The following SNX24 variants were observed in gnomAD, a reference collection of about 807,000 sequenced individuals.
The protein encoded by SNX24 is sorting nexin-24.
In SNX24, 22 loss-of-function variants were observed where a neutral mutation model predicts 28.7. The observed-to-expected ratio is 0.77, with a 90% CI of 0.55 to 1.10. SNX24 has a LOEUF of 1.10. SNX24 is among the 50% of genes least tolerant of loss of function. The pLI, the probability that SNX24 is intolerant of heterozygous loss-of-function variation, is 0.00. For missense variants in SNX24, 221 were observed against 201.1 expected (o/e 1.10, Z -0.60); for synonymous variants, 69 against 71.5 (o/e 0.96, Z 0.18).
chr5:122,917,799 G>A (rs565232891), intron 1 of SNX24, among the ~76,000 whole-genome samples: 20 of 152,248 alleles, frequency 1.3e-4, no homozygotes, highest in African/African-American at 4.3e-4. Context: ...AAATAATGCC[G>A]GCCGGGTGCG....
chr5:122,933,600 A>C (rs1268282092), intron 1 of SNX24, among the ~76,000 whole-genome samples: 1 of 151,856 alleles, frequency 6.6e-6, no homozygotes, highest in Middle Eastern at 3.2e-3. Context: ...CTTGAGAGCC[A>C]TTTTTTCCAC....
intron 4 of SNX24, among the ~76,000 whole-genome samples, chr5:123,000,991 C>A (rs1189891829): frequency 6.6e-6 from 1 of 152,192 alleles, no homozygotes; most frequent in Non-Finnish European, 1.5e-5. Context: ...CCACTTTCCA[C>A]TTATTGCATA....
At chr5:122,981,546 G>A (rs416763) in intron 3 of SNX24, among the ~76,000 whole-genome samples, 33,951 of 152,146 alleles carry the variant, frequency 0.22, 4,833 homozygotes, top group Non-Finnish European at 0.33. Context: ...TAGTTTTAGA[G>A]TATTTATAAC....
chr5:122,984,550 C>G (rs1466954261), intron 3 of SNX24, among the ~76,000 whole-genome samples: 1 of 152,164 alleles, frequency 6.6e-6, no homozygotes, highest in Non-Finnish European at 1.5e-5. Flanking sequence ...CAGGAGTTTA[C>G]TCTGACCCAA....
At chr5:122,951,458 A>T (rs745737412) in intron 3 of SNX24, among the ~76,000 whole-genome samples, 14 of 152,112 alleles carry the variant, frequency 9.2e-5, no homozygotes, top group Non-Finnish European at 2.1e-4. Flanking sequence ...TAGACCATTA[A>T]GGAATTTAGC....
chr5:122,900,419 A>G (rs1312765533), intron 1 of SNX24, among the ~76,000 whole-genome samples: 2 of 152,178 alleles, frequency 1.3e-5, no homozygotes, highest in African/African-American at 4.8e-5. Context: ...TGCATTGGAA[A>G]TTAAATTCAA....
chr5:123,014,235 C>T (rs934554793), intron 5 of SNX24, among the ~76,000 whole-genome samples: 1 of 151,376 alleles, frequency 6.6e-6, no homozygotes, highest in African/African-American at 2.4e-5. Context: ...GGCATGATCT[C>T]GGCTTACTGC....
At chr5:123,007,631 T>C in intron 6 of SNX24, 51 bp from the exon 7 acceptor site, 1 of 1,488,062 alleles carries the variant, frequency 6.7e-7, no homozygotes, top group Non-Finnish European at 9.2e-7. Flanking sequence ...TTGTTTCACA[T>C]AAGAAAAGCA....
chr5:122,893,566 C>A (rs772351271), intron 1 of SNX24, among the ~76,000 whole-genome samples: 2 of 152,092 alleles, frequency 1.3e-5, no homozygotes, highest in East Asian at 1.9e-4. Context: ...TGAGCATATA[C>A]ACATATTTTA....
At chr5:122,940,098 A>G (rs976209244) in intron 2 of SNX24, among the ~76,000 whole-genome samples, 3 of 151,970 alleles carry the variant, frequency 2.0e-5, no homozygotes, top group African/African-American at 4.8e-5. Flanking sequence ...GGTTCAAGCA[A>G]TTCTCCTGCC....
At chr5:122,997,516 G>T (rs139761909) in intron 3 of SNX24, among the ~76,000 whole-genome samples, 1 of 152,110 alleles carries the variant, frequency 6.6e-6, no homozygotes, top group African/African-American at 2.4e-5. Context: ...CCTGTCTTTT[G>T]TCATTAATGA....
intron 1 of SNX24, among the ~76,000 whole-genome samples, chr5:122,866,053 A>G (rs1367397416): frequency 6.6e-6 from 1 of 152,254 alleles, no homozygotes; most frequent in Non-Finnish European, 1.5e-5. Context: ...TTTGCTGTAT[A>G]TACATACATA....
intron 3 of SNX24, among the ~76,000 whole-genome samples, chr5:122,946,619 T>C (rs930949952): frequency 2.5e-4 from 38 of 152,248 alleles, no homozygotes; most frequent in African/African-American, 8.7e-4. Flanking sequence ...AAATTGCCGA[T>C]GATGAAGTGC....
chr5:122,891,216 G>T, intron 1 of SNX24: 1 of 1,278,110 alleles, frequency 7.8e-7, no homozygotes, highest in South Asian at 2.3e-5. Context: ...AAATGGTTTA[G>T]GAATGTTGAC....
At chr5:123,002,088 A>G (rs1762268093) in intron 6 of SNX24, 84 bp downstream of exon 6, 1 of 1,045,008 alleles carries the variant, frequency 9.6e-7, no homozygotes, top group Admixed American at 1.7e-5. Context: ...CAGGTCTAAC[A>G]GAGTGACATT....
intron 1 of SNX24, among the ~76,000 whole-genome samples, chr5:122,853,317 C>T (rs1319051274): frequency 3.3e-5 from 5 of 151,786 alleles, no homozygotes; most frequent in East Asian, 1.9e-4. Context: ...TTAGTAGAGA[C>T]GGGGTTTCAC....
rs539915350 is a variant in SNX24, at chr5:122,882,070, C to T, written c.60+36377C>T. Among the ~76,000 whole-genome samples the T allele has an allele frequency of 2.6e-5, 4 of 151,864 alleles. No homozygotes were observed. In the East Asian group the frequency reaches 7.7e-4, roughly 29 times the overall value. ...GGCTCAAGTGATCCTCTCACCTTGA[C>T]CTCTGGAGTAGCTAGGAATATAGGT... On this transcript the variant is annotated intron_variant, in intron 1 of 6. Coordinates refer to ENST00000261369, the MANE Select transcript of SNX24 (RefSeq NM_014035.4).
intron 1 of SNX24, among the ~76,000 whole-genome samples, chr5:122,884,144 A>G (rs1756594091): frequency 6.6e-6 from 1 of 152,166 alleles, no homozygotes; most frequent in African/African-American, 2.4e-5. Flanking sequence ...CACATTTTCT[A>G]ACTTTTCCTT....
intron 3 of SNX24, among the ~76,000 whole-genome samples, chr5:122,996,513 G>A (rs1762058270): frequency 1.3e-5 from 2 of 152,194 alleles, no homozygotes; most frequent in South Asian, 4.1e-4. Flanking sequence ...GGGCCAAGAA[G>A]CTCTGTTTGC....
Sources: allele counts gnomAD v4.1 joint callset (sites outside exome capture counted in the v4.1 genomes callset), GRCh38; gene constraint gnomAD v4.1.1; transcripts MANE v1.5; gene names NCBI Gene and HGNC (gene_info 2026-07-23, HGNC 2026-07-21).